The following SH2D4A variants were observed in gnomAD, a reference collection of about 807,000 sequenced individuals.
The protein encoded by SH2D4A is SH2 domain containing 4A.
In SH2D4A, 70 loss-of-function variants were observed where a neutral mutation model predicts 64.7. The ratio of observed to expected loss-of-function variants is 1.08; its 90% CI spans 0.89 to 1.32. The LOEUF is 1.32. SH2D4A is among the 40% of genes most tolerant of loss of function. The pLI, the probability that SH2D4A is intolerant of heterozygous loss-of-function variation, is 0.00. For missense variants in SH2D4A, 706 were observed against 540.1 expected, an observed-to-expected ratio of 1.31 and a Z score of -3.04; for synonymous variants, 268 against 200.7, an observed-to-expected ratio of 1.34 and a Z score of -2.83.
intron 4 of SH2D4A, among the ~76,000 whole-genome samples, chr8:19,345,336 C>A (rs1489678302): frequency 6.6e-6 from 1 of 152,210 alleles, no homozygotes; most frequent in Admixed American, 6.5e-5. Context: ...TCTACACATG[C>A]AGATCTTAAA....
chr8:19,350,209 G>T (rs2052678444), intron 4 of SH2D4A, among the ~76,000 whole-genome samples: 4 of 152,094 alleles, frequency 2.6e-5, no homozygotes, highest in African/African-American at 9.6e-5. Context: ...CCTATTTCAG[G>T]CGTCTCCCTG....
intron 2 of SH2D4A, among the ~76,000 whole-genome samples, chr8:19,327,871 C>G (rs1198059206): frequency 1.3e-5 from 2 of 152,194 alleles, no homozygotes; most frequent in Non-Finnish European, 2.9e-5. Flanking sequence ...GCCTTTGTAG[C>G]CTGCCCCACT....
intron 8 of SH2D4A, among the ~76,000 whole-genome samples, chr8:19,387,974 C>T (rs1421453934): frequency 1.3e-5 from 2 of 152,196 alleles, no homozygotes; most frequent in African/African-American, 4.8e-5. Context: ...CAGTCCTCAG[C>T]AGCATGAATG....
chr8:19,371,791 T>G (rs888149278), intron 7 of SH2D4A, among the ~76,000 whole-genome samples: 1 of 152,222 alleles, frequency 6.6e-6, no homozygotes, highest in Non-Finnish European at 1.5e-5. Flanking sequence ...AAATAGCCTG[T>G]CTTCTGGCTC....
chr8:19,363,895 A>G (rs773956101), intron 6 of SH2D4A, 177 bp from the exon 7 acceptor site: 10 of 625,838 alleles, frequency 1.6e-5, no homozygotes, highest in Non-Finnish European at 2.8e-5. Context: ...CCTGCAGCGA[A>G]CGCTGGGCAA....
intron 8 of SH2D4A, among the ~76,000 whole-genome samples, chr8:19,387,642 A>AAAGT (rs749848244): frequency 2.6e-5 from 4 of 152,110 alleles, no homozygotes; most frequent in Admixed American, 6.5e-5. Context: ...ATGCCAAGGG[A>AAAGT]AAGTAAGTAA....
chr8:19,346,409 A>G (rs1402197926), intron 4 of SH2D4A, among the ~76,000 whole-genome samples: 3 of 152,228 alleles, frequency 2.0e-5, no homozygotes, highest in Admixed American at 6.5e-5. Context: ...TCTAGGTTGC[A>G]TGCTCCTCAT....
rs117353030 is a variant in SH2D4A at position 19,318,670 on chromosome 8, C to T, written c.-204-674C>T. Among the ~76,000 whole-genome samples, 65 of 152,326 alleles carry T rather than the reference C, an allele frequency of 4.3e-4. No individual in the cohort carries two copies. In the East Asian group the frequency reaches 9.6e-3, roughly 23 times the overall value. ...ATCTGGAAAAAGCACACCTAAAACT[C>T]GGTGACCTTCCAGAATGTAGATGGA... On this transcript the variant is annotated intron_variant, in intron 1 of 9. Transcript: ENST00000265807.
At chr8:19,369,002 C>T (rs1027553982) in intron 7 of SH2D4A, among the ~76,000 whole-genome samples, 1 of 152,074 alleles carries the variant, frequency 6.6e-6, no homozygotes, top group Non-Finnish European at 1.5e-5. Flanking sequence ...GAGGTACATT[C>T]CTTCTGTACT....
At chr8:19,328,335 C>T (rs549522963) in intron 2 of SH2D4A, among the ~76,000 whole-genome samples, 8 of 152,174 alleles carry the variant, frequency 5.3e-5, no homozygotes, top group East Asian at 1.9e-4. Context: ...GTAAAAATAA[C>T]GTAGTCTACG....
At chr8:19,344,448 T>G (rs940552867) in intron 4 of SH2D4A, among the ~76,000 whole-genome samples, 1 of 152,186 alleles carries the variant, frequency 6.6e-6, no homozygotes, top group African/African-American at 2.4e-5. Flanking sequence ...GTCCTTCTCC[T>G]GCTTAGAAGT....
intron 3 of SH2D4A, among the ~76,000 whole-genome samples, chr8:19,333,829 C>T (rs1330975754): frequency 1.3e-5 from 2 of 152,156 alleles, no homozygotes; most frequent in African/African-American, 2.4e-5. Context: ...TTTCCAGCTA[C>T]AGAAGGCCAG....
At position 19,393,505 on chromosome 8, in the gene SH2D4A, G is replaced by T. The variant is rs778639547; in HGVS notation, c.1236G>T (p.Gln412His). 1.1e-5 allele frequency: 18 copies of T among 1,614,118 alleles called. No homozygotes were observed. Among genetic ancestry groups the T allele is most frequent in the Non-Finnish European group, 1.5e-5 (18 of 1,180,056 alleles). ...GCTTCCTGGGCGTGGACCAGCTACA[G>T]CATGCCACCTTGGCGGATTTGGTGG... ...AYSFLGVDQL[Q>H]HATLADLVEY... Residue 412 changes from glutamine to histidine, a missense_variant, in exon 9 of 10, where the codon CAG becomes CAT. Physicochemically the swap from Gln to His is conservative, Grantham distance 24 (BLOSUM62 0). Transcript: ENST00000265807.
At chr8:19,390,548 A>G (rs965684308) in intron 8 of SH2D4A, among the ~76,000 whole-genome samples, 3 of 152,200 alleles carry the variant, frequency 2.0e-5, no homozygotes, top group African/African-American at 4.8e-5. Flanking sequence ...ATTCATGACA[A>G]ACTGTACATT....
rs749094597 is a variant in SH2D4A, at chr8:19,334,786, A to G, written c.442A>G (p.Lys148Glu). The G allele has an allele frequency of 5.0e-6, 8 of 1,614,136 alleles. No homozygotes were observed. The highest frequency in any genetic ancestry group is 6.8e-6 in the Non-Finnish European group (8 of 1,179,994). The change falls in exon 4 of 10, where the codon AAA becomes GAA. Residue 148 changes from lysine (K) to glutamate (E), a missense_variant. Coordinates refer to ENST00000265807, the MANE Select transcript of SH2D4A (RefSeq NM_022071.4). ...DNQQTKDIWK[K>E]VAEKEELEQG... is the part of the protein sequence containing the mutation. Reference sequence around the variant, plus strand: ...CCAGCAGACTAAAGACATCTGGAAGAAAGTGGCAGAAAAGGAGGAACTGGA... The same window carrying G: ...CCAGCAGACTAAAGACATCTGGAAGGAAGTGGCAGAAAAGGAGGAACTGGA...
At chr8:19,356,135 GT>G (rs1374200563) in intron 4 of SH2D4A, among the ~76,000 whole-genome samples, 2 of 152,134 alleles carry the variant, frequency 1.3e-5, no homozygotes, top group Non-Finnish European at 1.5e-5. Context: ...TGTGAAGGAG[GT>G]TTCAAGTGGG....
chr8:19,380,610 C>T (rs1177887684), intron 8 of SH2D4A, among the ~76,000 whole-genome samples: 2 of 152,144 alleles, frequency 1.3e-5, no homozygotes, highest in South Asian at 2.1e-4. Context: ...ATTTTACCAG[C>T]ACCATTTGTT....
intron 4 of SH2D4A, among the ~76,000 whole-genome samples, chr8:19,344,363 G>A (rs1425259282): frequency 1.3e-5 from 2 of 152,090 alleles, no homozygotes; most frequent in Non-Finnish European, 2.9e-5. Flanking sequence ...CATCAACCAG[G>A]GGCCAATCTT....
intron 1 of SH2D4A, 128 bp downstream of exon 1, chr8:19,313,951 C>T: frequency 7.8e-7 from 1 of 1,276,252 alleles, no homozygotes; most frequent in Non-Finnish European, 9.9e-7. Flanking sequence ...CGGGCGGAAG[C>T]CTCACCCCCG....
Sources: allele counts gnomAD v4.1 joint callset (sites outside exome capture counted in the v4.1 genomes callset), GRCh38; gene constraint gnomAD v4.1.1; transcripts MANE v1.5; gene names NCBI Gene and HGNC (gene_info 2026-07-23, HGNC 2026-07-21).